ZNF577: variants seen among roughly 807,000 people sequenced by gnomAD.
The protein encoded by ZNF577 is zinc finger protein 577.
Under a neutral mutation model 13.9 loss-of-function variants are expected in ZNF577, and 14 were observed. The ratio of observed to expected loss-of-function variants is 1.00; its 90% CI spans 0.66 to 1.57. The LOEUF (loss-of-function observed/expected upper bound fraction) is 1.57, where lower values mean the gene tolerates loss of function less well. Ranked by LOEUF, ZNF577 falls within the 40% of genes most tolerant of loss-of-function variation. The pLI is 0.00. For missense variants in ZNF577, 555 were observed against 579.2 expected (o/e 0.96, Z 0.43); for synonymous variants, 203 against 202.9 (o/e 1.00, Z 0.00).
rs1485119388 is a variant in ZNF577 at position 51,824,736 on chromosome 19, G to A, written c.*600-13062C>T. 6.2e-7 allele frequency: 1 copy of A among 1,614,000 alleles called. No homozygotes were observed. Among genetic ancestry groups the A allele is most frequent in the African/African-American group, 1.3e-5 (1 of 74,992 alleles). On this transcript the variant is annotated intron_variant and NMD_transcript_variant, in intron 9 of 10. Transcript: ENST00000638827. The surrounding 1 kb of genome is among the most constrained non-coding windows in gnomAD (Gnocchi z 4.7). The stretch of plus-strand genomic sequence containing the variant: ...GGAGAGGGCCCTGACTGAGGTCCCT[G>A]ACTCAGCCCAGACCAGCAACACAGA...
intron 5 of ZNF577, among the ~76,000 whole-genome samples, chr19:51,857,428 A>AAGAAAG (rs1364320838): frequency 4.1e-5 from 6 of 146,934 alleles, no homozygotes; most frequent in Non-Finnish European, 9.0e-5. Flanking sequence ...GAAAGAAAGA[A>AAGAAAG]AAGAAAAAAC....
chr19:51,819,269 T>C (rs550522513), intron 9 of ZNF577, among the ~76,000 whole-genome samples: 1 of 152,268 alleles, frequency 6.6e-6, no homozygotes, highest in Admixed American at 6.5e-5. Flanking sequence ...AAGAAGTCAA[T>C]TGGTTATATG....
chr19:51,857,362 G>A (rs575387091), intron 5 of ZNF577, among the ~76,000 whole-genome samples: 4 of 96,666 alleles, frequency 4.1e-5, no homozygotes, highest in Non-Finnish European at 7.7e-5. Context: ...AAGAAAGAAG[G>A]AAGGAAAGAA....
chr19:51,855,367 C>CTGTGTGTGTG (rs55937420), intron 5 of ZNF577, among the ~76,000 whole-genome samples: 1,681 of 143,528 alleles, frequency 0.012, 25 homozygotes, highest in African/African-American at 0.028. Flanking sequence ...GCTGAGGGTG[C>CTGTGTGTGTG]TGTGTGTGTG....
chr19:51,833,704 T>C (rs754238792), intron 9 of ZNF577, among the ~76,000 whole-genome samples: 12 of 152,146 alleles, frequency 7.9e-5, no homozygotes, highest in Non-Finnish European at 1.3e-4. Context: ...GGTCAGGGAA[T>C]AGGAGAACTG....
chr19:51,823,680 ATAGTTG>A, intron 9 of ZNF577: 1 of 1,289,042 alleles, frequency 7.8e-7, no homozygotes, highest in Non-Finnish European at 1.1e-6. Flanking sequence ...AAGTTAATGA[ATAGTTG>A]TATTGTAAGA....
downstream of ZNF577, among the ~76,000 whole-genome samples, chr19:51,866,276 A>G (rs1386279712): frequency 6.6e-6 from 1 of 152,140 alleles, no homozygotes; most frequent in Non-Finnish European, 1.5e-5. Flanking sequence ...CAGATTCAAC[A>G]TCTACTATGA....
chr19:51,837,785 T>C (rs1345431368), intron 9 of ZNF577, among the ~76,000 whole-genome samples: 2 of 152,224 alleles, frequency 1.3e-5, no homozygotes, highest in Admixed American at 6.5e-5. Context: ...TTTCAGATGA[T>C]GGTTACATGA....
In ZNF577 at chr19:51,869,383, G is replaced by C. The variant is rs895537273; in HGVS notation, c.*3149C>G. The stretch of plus-strand genomic sequence containing the variant: ...CATAAATCTGGCCTATGTGCACATC[G>C]AGGCACAGCACCTTTCCTTAAACTT... On this transcript the variant is annotated 3_prime_UTR_variant, in exon 6 of 6. Coordinates refer to ENST00000638348, the MANE Select transcript of ZNF577 (RefSeq NM_001370449.1). 3.3e-5 allele frequency among the ~76,000 whole-genome samples: 5 copies of C among 152,144 alleles called. No homozygotes were observed. Among genetic ancestry groups the C allele is most frequent in the Admixed American group, 2.0e-4 (3 of 15,288 alleles).
rs1491461881 is a variant in ZNF577 at position 51,871,113 on chromosome 19, CCT to C, written c.*1417_*1418del. Reference sequence around the variant, plus strand: ...TGAAGTATGTTAGTTTCTTTTCCCCCCTTTTTTAGAGTCAGAGTCTTATTCTG... The same window carrying C: ...TGAAGTATGTTAGTTTCTTTTCCCCCTTTTTAGAGTCAGAGTCTTATTCTG... On this transcript the variant is annotated 3_prime_UTR_variant, in exon 6 of 6. Transcript: ENST00000638348. 6.6e-6 allele frequency among the ~76,000 whole-genome samples: 1 copy of C among 151,974 alleles called. No homozygotes were observed. Among genetic ancestry groups the C allele is most frequent in the Non-Finnish European group, 1.5e-5 (1 of 67,954 alleles).
chr19:51,872,191 GA>G lies in ZNF577; in HGVS notation c.*340del, dbSNP rs2084670108. 1 of 168,528 alleles carries G rather than the reference GA, an allele frequency of 5.9e-6. No individual in the cohort carries two copies. Among genetic ancestry groups the G allele is most frequent in the Non-Finnish European group, 1.3e-5 (1 of 79,594 alleles). 10.4% of individuals were successfully genotyped at this position (168,528 alleles called of 1,614,324 possible). ...TTCTACAAATTCTCCCATATTTTAC[GA>G]AAAATGTTTTCCATATCCATTGCCT... On this transcript the variant is annotated 3_prime_UTR_variant, in exon 6 of 6. Transcript: ENST00000638348.
chr19:51,880,592 C>T (rs2084846304), intron 2 of ZNF577, 87 bp downstream of exon 2: 1 of 598,162 alleles, frequency 1.7e-6, no homozygotes. Flanking sequence ...TATCAGCATA[C>T]ACTATCTCAT....
chr19:51,810,664 T>A lies in ZNF577; in HGVS notation c.*817+793A>T, dbSNP rs140192003. Reference sequence around the variant, plus strand: ...GCCAATTTAAATTCCATGTCAGATATGCACTAGTGGACAAGCAAGTTCGCA... The same window carrying A: ...GCCAATTTAAATTCCATGTCAGATAAGCACTAGTGGACAAGCAAGTTCGCA... On this transcript the variant is annotated intron_variant and NMD_transcript_variant, in intron 10 of 10. Transcript: ENST00000638827. Among the ~76,000 whole-genome samples, 31 of 152,328 alleles carry A rather than the reference T, an allele frequency of 2.0e-4. No individual in the cohort carries two copies. In the East Asian group the frequency reaches 5.0e-3, roughly 25 times the overall value.
In ZNF577 at chr19:51,868,751, T is replaced by C. The variant is rs988079338; in HGVS notation, c.*3781A>G. On this transcript the variant is annotated 3_prime_UTR_variant, in exon 6 of 6. Coordinates refer to ENST00000638348, the MANE Select transcript of ZNF577 (RefSeq NM_001370449.1). ...AGATCAGACTGCTACTGTGTCTATG[T>C]AGAAAAAGGAAGACATAAGAAACTC... Among the ~76,000 whole-genome samples the C allele has an allele frequency of 1.3e-4, 20 of 152,192 alleles. No individual in the cohort carries two copies. The highest frequency in any genetic ancestry group is 4.6e-4 in the African/African-American group (19 of 41,448).
At chr19:51,877,252 T>TC in intron 5 of ZNF577, 30 bp downstream of exon 5, 2 of 1,586,564 alleles carry the variant, frequency 1.3e-6, no homozygotes, top group South Asian at 2.2e-5. Flanking sequence ...ATGCCATTTC[T>TC]CCCCATTTTC....
rs569298627 is a variant in ZNF577, at chr19:51,869,606, T to G, written c.*2926A>C. ...CCTGGGGCCACTGTTCTTTCTCTACTTTGTCTCTGTGTCTTATTTCTTATT... is the reference window on the plus strand; with the variant it reads ...CCTGGGGCCACTGTTCTTTCTCTACGTTGTCTCTGTGTCTTATTTCTTATT... On this transcript the variant is annotated 3_prime_UTR_variant, in exon 6 of 6. Transcript: ENST00000638348. Among the ~76,000 whole-genome samples the G allele has an allele frequency of 6.6e-6, 1 of 151,266 alleles. No homozygotes were observed. Among genetic ancestry groups the G allele is most frequent in the East Asian group, 1.9e-4 (1 of 5,172 alleles).
rs765308727 is a variant in ZNF577, at chr19:51,824,065, A to C, written c.*600-12391T>G. On this transcript the variant is annotated intron_variant and NMD_transcript_variant, in intron 9 of 10. Transcript: ENST00000638827. This position sits in a 1 kb window ranked among gnomAD's most constrained non-coding sequence, Gnocchi z 4.7. ...TGTAAGTTAGTTCATGTTATGATAGACATCAACCTGTTTGTCAGTGTCTAC... is the reference window on the plus strand; with the variant it reads ...TGTAAGTTAGTTCATGTTATGATAGCCATCAACCTGTTTGTCAGTGTCTAC... 6.2e-7 allele frequency: 1 copy of C among 1,614,108 alleles called. No homozygotes were observed. Among genetic ancestry groups the C allele is most frequent in the East Asian group, 2.2e-5 (1 of 44,874 alleles).
At chr19:51,857,620 T>C (rs1445087393) in intron 5 of ZNF577, among the ~76,000 whole-genome samples, 2 of 152,184 alleles carry the variant, frequency 1.3e-5, no homozygotes, top group African/African-American at 4.8e-5. Flanking sequence ...GAGAAACCGA[T>C]GTTCTTCAAA....
At chr19:51,858,775 T>TAA (rs34599080) in intron 5 of ZNF577, among the ~76,000 whole-genome samples, 1 of 151,870 alleles carries the variant, frequency 6.6e-6, no homozygotes, top group African/African-American at 2.4e-5. Context: ...CTCATTTTGT[T>TAA]AAAAAAAAGT....
Sources: gnomAD v4.1 joint callset for allele counts (sites outside exome capture counted in the v4.1 genomes callset) on GRCh38, gnomAD v4.1.1 for gene constraint, Gnocchi (gnomAD v3.1) non-coding constraint, MANE v1.5 for transcripts, NCBI Gene and HGNC (gene_info 2026-07-23, HGNC 2026-07-21) for gene names.